The following OTULINL variants were observed in gnomAD, a reference collection of about 807,000 sequenced individuals.
OTULINL encodes the protein OTU deubiquitinase with linear linkage specificity like, also known as inactive ubiquitin thioesterase OTULINL.
Under a neutral mutation model 43.9 loss-of-function variants are expected in OTULINL, and 42 were observed. The observed-to-expected ratio is 0.96, with a 90% confidence interval of 0.75 to 1.24. The LOEUF is 1.24. Ranked by LOEUF, OTULINL falls within the 50% of genes most tolerant of loss-of-function variation. The probability of loss-of-function intolerance (pLI) is 0.00; values close to 1 mark genes in which losing one functional copy is unlikely to be tolerated. For missense variants in OTULINL, 411 were observed against 426.4 expected (o/e 0.96, Z 0.32); for synonymous variants, 172 against 153.6 (o/e 1.12, Z -0.88).
At chr5:14,598,478 T>A (rs1392795866) in intron 1 of OTULINL, among the ~76,000 whole-genome samples, 1 of 152,186 alleles carries the variant, frequency 6.6e-6, no homozygotes, top group African/African-American at 2.4e-5. Flanking sequence ...GACCTAGAAT[T>A]TTCTTTTCTT....
Position 14,615,118 on chromosome 5 carries a change from T to G in OTULINL, c.*4804T>G, listed in dbSNP as rs1194771062. Reference sequence around the variant, plus strand: ...TGATTTTGTTTTGCTTGTTCACAAGTTTGAAAAGGTGCATGAGGCACCAAT... The same window carrying G: ...TGATTTTGTTTTGCTTGTTCACAAGGTTGAAAAGGTGCATGAGGCACCAAT... On this transcript the variant is annotated 3_prime_UTR_variant, in exon 8 of 8. Transcript: ENST00000274217. 1 of 179,188 alleles carries G rather than the reference T, an allele frequency of 5.6e-6. No individual in the cohort carries two copies. The highest frequency in any genetic ancestry group is 2.3e-5 in the African/African-American group (1 of 42,618). 11.1% of individuals were successfully genotyped at this position (179,188 alleles called of 1,614,324 possible).
rs1207980685 is a variant in OTULINL at position 14,596,134 on chromosome 5, T to TGGAC, written c.65-4830_65-4827dup. Among the ~76,000 whole-genome samples the TGGAC allele has an allele frequency of 3.0e-4, 46 of 152,348 alleles. 1 individual carries two copies. Among genetic ancestry groups the TGGAC allele is most frequent in the African/African-American group, 1.1e-3 (46 of 41,590 alleles). ...TCCTACTGTCCTGGAAGTCCCCTTG[T>TGGAC]GGACTTTCTGGAGATTTTTTTTGCC... On this transcript the variant is annotated intron_variant, in intron 1 of 7. Transcript: ENST00000274217.
At position 14,581,960 on chromosome 5, in the gene OTULINL, T is replaced by A; in HGVS notation, c.64+2T>A. 1 of 1,343,178 alleles carries A rather than the reference T, an allele frequency of 7.4e-7. No individual in the cohort carries two copies. The highest frequency in any genetic ancestry group is 9.5e-7 in the Non-Finnish European group (1 of 1,047,844). The allele number at this position is 1,343,178 out of a possible 1,614,324, so 83.2% of individuals were successfully genotyped here. A position where few individuals can be genotyped will look rare whatever the true frequency, so the allele number is the denominator to read the frequency against. ...AGCGGTCTGGCGCTCCCGCCGCAGG[T>A]GAGCCTGGGGCCGGGCGGGGCGGGG... On this transcript the variant is annotated splice_donor_variant, in intron 1 of 7. Coordinates refer to ENST00000274217, the MANE Select transcript of OTULINL (RefSeq NM_019018.3). LOFTEE classifies it high-confidence loss of function.
At chr5:14,590,739 T>C (rs1221369473) in intron 1 of OTULINL, among the ~76,000 whole-genome samples, 1 of 152,212 alleles carries the variant, frequency 6.6e-6, no homozygotes, top group Non-Finnish European at 1.5e-5. Flanking sequence ...GTCACTACTA[T>C]TCTTGGTTAC....
Position 14,581,972 on chromosome 5 carries a change from C to T in OTULINL, c.64+14C>T, listed in dbSNP as rs1759007777. 2 of 656,404 alleles carry T rather than the reference C, an allele frequency of 3.0e-6. No individual in the cohort carries two copies. Among genetic ancestry groups the T allele is most frequent in the Non-Finnish European group, 2.2e-6 (1 of 448,512 alleles). The allele number at this position is 656,404 out of a possible 1,614,324, so 40.7% of individuals were successfully genotyped here. On this transcript the variant is annotated intron_variant, in intron 1 of 7. Transcript: ENST00000274217. Reference sequence around the variant, plus strand: ...CTCCCGCCGCAGGTGAGCCTGGGGCCGGGCGGGGCGGGGCGGGGGGCGCGA... The same window carrying T: ...CTCCCGCCGCAGGTGAGCCTGGGGCTGGGCGGGGCGGGGCGGGGGGCGCGA...
rs1194200191 is a variant in OTULINL, at chr5:14,601,509, C to T, written c.348+67C>T. On this transcript the variant is annotated intron_variant, in intron 4 of 7. Transcript: ENST00000274217. ...CTGTCAAAATCAGGAAACAAACATT[C>T]CCTTCTGCTTTACTAAATCCAGATA... 2.2e-5 allele frequency: 30 copies of T among 1,368,234 alleles called. No homozygotes were observed. In the African/African-American group the frequency reaches 4.2e-4, roughly 19 times the overall value. The allele number at this position is 1,368,234 out of a possible 1,614,324, so 84.8% of individuals were successfully genotyped here.
chr5:14,586,518 T>C (rs553252697), intron 1 of OTULINL, among the ~76,000 whole-genome samples: 1 of 152,374 alleles, frequency 6.6e-6, no homozygotes, highest in South Asian at 2.1e-4. Flanking sequence ...AATGCTATGC[T>C]TGATGAATCT....
At chr5:14,585,439 G>A (rs1356982971) in intron 1 of OTULINL, among the ~76,000 whole-genome samples, 1 of 151,906 alleles carries the variant, frequency 6.6e-6, no homozygotes, top group African/African-American at 2.4e-5. Context: ...TAACTTTTTT[G>A]GTACCAAGTA....
chr5:14,612,502 TAAG>T lies in OTULINL; in HGVS notation c.*2193_*2195del, dbSNP rs1252222918. ...ATTTCAATCCAGTGAAAGTAAAAAGTAAGAAGACATTTAGATAGTTGCTATATT... is the reference window on the plus strand; with the variant it reads ...ATTTCAATCCAGTGAAAGTAAAAAGTAAGACATTTAGATAGTTGCTATATT... On this transcript the variant is annotated 3_prime_UTR_variant, in exon 8 of 8. Coordinates refer to ENST00000274217, the MANE Select transcript of OTULINL (RefSeq NM_019018.3). The T allele has an allele frequency of 6.6e-6, 1 of 152,176 alleles. No individual in the cohort carries two copies. The highest frequency in any genetic ancestry group is 1.5e-5 in the Non-Finnish European group (1 of 68,022). The allele number at this position is 152,176 out of a possible 1,614,324, so 9.4% of individuals were successfully genotyped here. A position where few individuals can be genotyped will look rare whatever the true frequency, so the allele number is the denominator to read the frequency against.
chr5:14,594,688 A>G (rs1222158361), intron 1 of OTULINL, among the ~76,000 whole-genome samples: 1 of 152,202 alleles, frequency 6.6e-6, no homozygotes, highest in Non-Finnish European at 1.5e-5. Context: ...TGCCTGTTCC[A>G]TTGGCTTCAG....
intron 1 of OTULINL, among the ~76,000 whole-genome samples, chr5:14,583,008 G>C (rs906779468): frequency 6.6e-6 from 1 of 152,032 alleles, no homozygotes; most frequent in Admixed American, 6.6e-5. Flanking sequence ...ATATTTGTCT[G>C]GAGCCCACTA....
At position 14,610,053 on chromosome 5, in the gene OTULINL, A is replaced by G. The variant is rs966162486; in HGVS notation, c.898-88A>G. The G allele has an allele frequency of 6.9e-6, 8 of 1,163,838 alleles. No homozygotes were observed. In the African/African-American group the frequency reaches 1.2e-4, roughly 18 times the overall value. 72.1% of individuals were successfully genotyped at this position (1,163,838 alleles called of 1,614,324 possible). On this transcript the variant is annotated intron_variant, in intron 7 of 7. Coordinates refer to ENST00000274217, the MANE Select transcript of OTULINL (RefSeq NM_019018.3). ...CTGTCAACAAGCAGATTATTTCATA[A>G]ACTGCAGAGGAACACTTCCCCCCAC...
intron 1 of OTULINL, among the ~76,000 whole-genome samples, chr5:14,594,396 C>G (rs1759253387): frequency 6.6e-6 from 1 of 152,186 alleles, no homozygotes; most frequent in South Asian, 2.1e-4. Context: ...ACAATCAGTT[C>G]CCACACTGAA....
rs1268377152 is a variant in OTULINL at position 14,613,645 on chromosome 5, A to C, written c.*3331A>C. On this transcript the variant is annotated 3_prime_UTR_variant, in exon 8 of 8. Transcript: ENST00000274217. The stretch of plus-strand genomic sequence containing the variant: ...ATCATTGAAAAGTCCCCAAGAAACT[A>C]TTAATTCAGAGCCACCCTGGTGAGT... Among the ~76,000 whole-genome samples the C allele has an allele frequency of 2.0e-5, 3 of 152,224 alleles. No homozygotes were observed. The highest frequency in any genetic ancestry group is 7.2e-5 in the African/African-American group (3 of 41,460).
Position 14,602,250 on chromosome 5 carries a change from ATGC to A in OTULINL, c.418_420del (p.Ala140del). ...CGACAAGTAAGGAGAGATAACTATGATGCTCTCAGATCAGTGTTATTTCAGATA... is the reference window on the plus strand; with the variant it reads ...CGACAAGTAAGGAGAGATAACTATGATCTCAGATCAGTGTTATTTCAGATA... On this transcript the variant is annotated inframe_deletion, in exon 5 of 8. Coordinates refer to ENST00000274217, the MANE Select transcript of OTULINL (RefSeq NM_019018.3). 6.2e-7 allele frequency: 1 copy of A among 1,613,618 alleles called. No individual in the cohort carries two copies. The highest frequency in any genetic ancestry group is 8.5e-7 in the Non-Finnish European group (1 of 1,179,616).
Position 14,615,823 on chromosome 5 carries a change from A to G in OTULINL, c.*5509A>G, listed in dbSNP as rs28635568. Reference sequence around the variant, plus strand: ...AGTGCTCCAATCTGCTTGTGAGACCAGTTAGATTAGTAGTTGCAGTTGAGA... The same window carrying G: ...AGTGCTCCAATCTGCTTGTGAGACCGGTTAGATTAGTAGTTGCAGTTGAGA... On this transcript the variant is annotated 3_prime_UTR_variant, in exon 8 of 8. Transcript: ENST00000274217. Among the ~76,000 whole-genome samples, 1,121 of 152,314 alleles carry G rather than the reference A, an allele frequency of 7.4e-3. 12 individuals are homozygous for G. The highest frequency in any genetic ancestry group is 0.024 in the African/African-American group (985 of 41,562).
In OTULINL at chr5:14,607,413, T is replaced by C. The variant is rs148993346; in HGVS notation, c.582T>C (p.Asn194=). The C allele has an allele frequency of 5.0e-5, 80 of 1,614,174 alleles. No individual in the cohort carries two copies. The African/African-American group carries it at 8.7e-4, about 17-fold the overall frequency. ...GTCCTGAGAAGTATACAGGCTCGAA[T>C]GTGTTTGGAAAACTACGGAAATATG... is the stretch of plus-strand genomic sequence containing the variant. ...SFGPEKYTGS[N]VFGKLRKYVE... is the part of the protein sequence containing the mutation. Residue 194 remains asparagine (N), a synonymous_variant, in exon 6 of 8, where the codon AAT becomes AAC. Coordinates refer to ENST00000274217, the MANE Select transcript of OTULINL (RefSeq NM_019018.3).
At chr5:14,598,011 CG>C (rs1012868070) in intron 1 of OTULINL, among the ~76,000 whole-genome samples, 15 of 152,036 alleles carry the variant, frequency 9.9e-5, no homozygotes, top group Non-Finnish European at 1.5e-5. Flanking sequence ...TGGTCTGTAG[CG>C]GGTCCCCATG....
At chr5:14,596,209 A>G (rs780457995) in intron 1 of OTULINL, among the ~76,000 whole-genome samples, 3 of 151,974 alleles carry the variant, frequency 2.0e-5, no homozygotes, top group Admixed American at 6.5e-5. Context: ...TTTTATGTAG[A>G]ATGACTGAAT....
Sources: gnomAD v4.1 joint callset for allele counts (sites outside exome capture counted in the v4.1 genomes callset) on GRCh38, gnomAD v4.1.1 for gene constraint, MANE v1.5 for transcripts, NCBI Gene and HGNC (gene_info 2026-07-23, HGNC 2026-07-21) for gene names.